XRRA1: variants seen among roughly 807,000 people sequenced by gnomAD.
XRRA1 encodes the protein X-ray radiation resistance associated 1, also known as X-ray radiation resistance-associated protein 1.
XRRA1 carries 69 observed loss-of-function variants against 80.2 expected under a neutral mutation model. That is an observed-to-expected ratio of 0.86 (90% CI 0.71 to 1.05). The LOEUF (loss-of-function observed/expected upper bound fraction) is 1.05. Among genes scored for constraint, XRRA1 ranks in the 50% least tolerant of loss-of-function variants. XRRA1 has a pLI of 0.00. For missense variants in XRRA1, 967 were observed against 976.4 expected, an observed-to-expected ratio of 0.99 and a Z score of 0.13; for synonymous variants, 348 against 389.9, an observed-to-expected ratio of 0.89 and a Z score of 1.27.
In XRRA1 at chr11:74,920,996, GC is replaced by G. The variant is rs570309856; in HGVS notation, c.656+217del. On this transcript the variant is annotated intron_variant, in intron 8 of 18. Transcript: ENST00000684022. The stretch of plus-strand genomic sequence containing the variant: ...ACAGTTTACAGATGACCAGTCAGAG[GC>G]AGGGAAAGTGGCTTGCCAAACACCT... Among the ~76,000 whole-genome samples, 719 of 152,266 alleles carry G rather than the reference GC, an allele frequency of 4.7e-3. 12 individuals carry two copies. The highest frequency in any genetic ancestry group is 0.016 in the African/African-American group (685 of 41,548).
intron 5 of XRRA1, among the ~76,000 whole-genome samples, chr11:74,932,739 C>T (rs1429284325): frequency 6.6e-6 from 1 of 152,158 alleles, no homozygotes; most frequent in Admixed American, 6.5e-5. Context: ...ATGTGCTGGC[C>T]TAGAATGGAG....
chr11:74,899,525 A>G (rs1018125547), intron 10 of XRRA1, among the ~76,000 whole-genome samples: 83 of 152,310 alleles, frequency 5.4e-4, no homozygotes, highest in African/African-American at 1.9e-3. Context: ...TAGGCTAAGA[A>G]AAAAACAGAA....
chr11:74,899,959 A>G (rs945610577), intron 10 of XRRA1, among the ~76,000 whole-genome samples: 5 of 151,920 alleles, frequency 3.3e-5, no homozygotes, highest in African/African-American at 1.2e-4. Flanking sequence ...AAAAATAATA[A>G]TACTGACCAG....
intron 2 of XRRA1, among the ~76,000 whole-genome samples, chr11:74,943,794 T>C (rs1946924441): frequency 6.6e-6 from 1 of 152,070 alleles, no homozygotes; most frequent in African/African-American, 2.4e-5. Context: ...CAGATTCAAC[T>C]CCAGGCTACA....
At position 74,905,504 on chromosome 11, in the gene XRRA1, C is replaced by A. The variant is rs1007660689; in HGVS notation, c.1003+735G>T. Among the ~76,000 whole-genome samples, 3 of 152,314 alleles carry A rather than the reference C, an allele frequency of 2.0e-5. No individual in the cohort carries two copies. In the East Asian group the frequency reaches 5.8e-4, roughly 29 times the overall value. Reference sequence around the variant, plus strand: ...TATGGGTGGTGCTAAAGGGAGACTGCAAAGCTGGAAGAGGAAAAAGGGGCT... The same window carrying A: ...TATGGGTGGTGCTAAAGGGAGACTGAAAAGCTGGAAGAGGAAAAAGGGGCT... On this transcript the variant is annotated intron_variant, in intron 10 of 18. Coordinates refer to ENST00000684022, the MANE Select transcript of XRRA1 (RefSeq NM_001378157.1).
chr11:74,892,307 T>G (rs1221824657), intron 10 of XRRA1, among the ~76,000 whole-genome samples: 2 of 151,998 alleles, frequency 1.3e-5, no homozygotes, highest in Non-Finnish European at 2.9e-5. Context: ...AATGGGGAAA[T>G]GATTCCCTAT....
intron 10 of XRRA1, among the ~76,000 whole-genome samples, chr11:74,875,285 T>C (rs553458210): frequency 1.8e-4 from 27 of 152,242 alleles, no homozygotes; most frequent in African/African-American, 6.5e-4. Context: ...AGGGCCTCAA[T>C]GCACCTGAAG....
intron 10 of XRRA1, among the ~76,000 whole-genome samples, chr11:74,888,994 A>G (rs1482376415): frequency 6.6e-6 from 1 of 152,248 alleles, no homozygotes; most frequent in African/African-American, 2.4e-5. Flanking sequence ...GATATTATCC[A>G]GGAGAACTTC....
chr11:74,843,892 C>T lies in XRRA1; in HGVS notation c.2111G>A (p.Arg704His), dbSNP rs768149411. The change falls in exon 18 of 19, where the codon CGC (arginine) becomes CAC (histidine). Residue 704 changes from arginine (R) to histidine (H), a missense_variant. Coordinates refer to ENST00000684022, the MANE Select transcript of XRRA1 (RefSeq NM_001378157.1). ...TGTAATGTTCCGGGGATCCCGCAAG[C>T]GAATGAAGATGTCATCCAGAAGTTG... ...RAQLLDDIFI[R>H]LRDPRNITEA... 24 of 1,612,896 alleles carry T rather than the reference C, an allele frequency of 1.5e-5. No homozygotes were observed. In the Admixed American group the frequency reaches 2.0e-4, roughly 13 times the overall value.
At chr11:74,940,148 C>G (rs1028507566) in intron 3 of XRRA1, among the ~76,000 whole-genome samples, 9 of 152,160 alleles carry the variant, frequency 5.9e-5, no homozygotes, top group African/African-American at 2.2e-4. Context: ...ATCCAGAGAA[C>G]CAATACTTAG....
chr11:74,943,262 G>C (rs1189836442), intron 2 of XRRA1, among the ~76,000 whole-genome samples: 1 of 152,098 alleles, frequency 6.6e-6, no homozygotes, highest in Non-Finnish European at 1.5e-5. Context: ...TCTGACTCTA[G>C]GGTATGACTC....
intron 10 of XRRA1, among the ~76,000 whole-genome samples, chr11:74,880,690 T>G (rs1239640069): frequency 2.0e-5 from 3 of 151,042 alleles, no homozygotes; most frequent in African/African-American, 7.3e-5. Context: ...TCAAAGAACA[T>G]CTTTATTTCT....
At chr11:74,844,570 T>G (rs2037496764) in intron 16 of XRRA1, among the ~76,000 whole-genome samples, 1 of 152,172 alleles carries the variant, frequency 6.6e-6, no homozygotes, top group Non-Finnish European at 1.5e-5. Context: ...GTGACCCCAT[T>G]AACCTCAGGG....
intron 6 of XRRA1, among the ~76,000 whole-genome samples, chr11:74,929,240 A>C (rs1329180840): frequency 6.6e-6 from 1 of 152,044 alleles, no homozygotes; most frequent in African/African-American, 2.4e-5. Flanking sequence ...CATCCCTATC[A>C]GTCTATCAAC....
intron 10 of XRRA1, among the ~76,000 whole-genome samples, chr11:74,878,567 G>C (rs1198467385): frequency 1.3e-5 from 2 of 152,066 alleles, no homozygotes; most frequent in East Asian, 1.9e-4. Flanking sequence ...GTAATGCCTA[G>C]GTTTTCTTCT....
intron 10 of XRRA1, among the ~76,000 whole-genome samples, chr11:74,895,592 C>G (rs558441075): frequency 6.6e-6 from 1 of 152,146 alleles, no homozygotes; most frequent in East Asian, 1.9e-4. Flanking sequence ...CACCAGCTGG[C>G]GCAGCTAAGG....
At chr11:74,896,951 A>G (rs1157673022) in intron 10 of XRRA1, among the ~76,000 whole-genome samples, 1 of 152,158 alleles carries the variant, frequency 6.6e-6, no homozygotes, top group Non-Finnish European at 1.5e-5. Flanking sequence ...TATGATGACT[A>G]CAGTAAATCA....
At chr11:74,908,298 GA>G (rs1345833661) in intron 8 of XRRA1, among the ~76,000 whole-genome samples, 1 of 152,208 alleles carries the variant, frequency 6.6e-6, no homozygotes, top group Admixed American at 6.5e-5. Flanking sequence ...CGCATAGCTA[GA>G]AAGTGGGATG....
chr11:74,939,501 T>C (rs960542022), intron 3 of XRRA1, among the ~76,000 whole-genome samples: 1 of 152,250 alleles, frequency 6.6e-6, no homozygotes, highest in Non-Finnish European at 1.5e-5. Context: ...GCTTTGGTGA[T>C]TGGGAGCACC....
Sources: gnomAD v4.1 joint callset for allele counts (sites outside exome capture counted in the v4.1 genomes callset) on GRCh38, gnomAD v4.1.1 for gene constraint, MANE v1.5 for transcripts, NCBI Gene and HGNC (gene_info 2026-07-23, HGNC 2026-07-21) for gene names.